LRP6: variants seen among roughly 807,000 people sequenced by gnomAD.
The protein encoded by LRP6 is LDL receptor related protein 6, also known as low-density lipoprotein receptor-related protein 6.
Under a neutral mutation model 184.1 loss-of-function variants are expected in LRP6, and 43 were observed. The observed-to-expected ratio is 0.23, with a 90% CI of 0.18 to 0.30. LRP6 has a LOEUF of 0.30. LRP6 is among the 10% of genes least tolerant of loss of function. The pLI, the probability that LRP6 is intolerant of heterozygous loss-of-function variation, is 1.00. For synonymous variants in LRP6, 719 were observed against 684.9 expected (o/e 1.05, Z -0.78); for missense variants, 1,571 against 2,005.3 (o/e 0.78, Z 4.14).
At chr12:12,128,558 C>G (rs182097867) in intron 19 of LRP6, among the ~76,000 whole-genome samples, 1 of 152,274 alleles carries the variant, frequency 6.6e-6, no homozygotes, top group African/African-American at 2.4e-5. Context: ...CAACATATCA[C>G]AAACTGAACT....
At chr12:12,211,052 A>C (rs923779672) in intron 2 of LRP6, 6 of 152,360 alleles carry the variant, frequency 3.9e-5, no homozygotes, top group African/African-American at 1.4e-4. Context: ...TTTAAAAACA[A>C]GTAGAAATTA....
intron 1 of LRP6, among the ~76,000 whole-genome samples, chr12:12,260,532 CCAAA>C: frequency 6.6e-6 from 1 of 152,116 alleles, no homozygotes; most frequent in Non-Finnish European, 1.5e-5. Flanking sequence ...CTATCAACTG[CCAAA>C]AACAGTGCCC....
chr12:12,154,894 G>A (rs2041891), intron 12 of LRP6, among the ~76,000 whole-genome samples: 148,648 of 152,352 alleles, frequency 0.98, 72,553 homozygotes, highest in East Asian at 1. Flanking sequence ...AGGCGAGTGC[G>A]CTGAGGATCT....
chr12:12,166,454 T>C (rs1252266059), intron 7 of LRP6, among the ~76,000 whole-genome samples: 1 of 152,242 alleles, frequency 6.6e-6, no homozygotes, highest in Admixed American at 6.5e-5. Flanking sequence ...TTCTGTATTA[T>C]ACAATACAAA....
intron 2 of LRP6, among the ~76,000 whole-genome samples, chr12:12,241,316 G>C (rs1285566905): frequency 3.9e-5 from 6 of 152,066 alleles, no homozygotes; most frequent in Non-Finnish European, 1.5e-5. Flanking sequence ...AATAAATCTG[G>C]AAATCATCTC....
rs749120602 is a variant in LRP6 at position 12,121,169 on chromosome 12, T to C, written c.4799A>G (p.His1600Arg). ...SPYTERSYSH[H>R]LYPPPPSPCT... ...GGGAGAGGGTGGCGGTGGGTAGAGG[T>C]GATGAGAATAGCTCCTCTCTGTGTA... Residue 1600 changes from histidine to arginine, a missense_variant, in exon 23 of 23, where the codon CAC becomes CGC. Physicochemically the swap from His to Arg is conservative, Grantham distance 29. Coordinates refer to ENST00000261349, the MANE Select transcript of LRP6 (RefSeq NM_002336.3). 21 of 1,613,266 alleles carry C rather than the reference T, an allele frequency of 1.3e-5. No homozygotes were observed. The highest frequency in any genetic ancestry group is 1.5e-5 in the Non-Finnish European group (18 of 1,179,762).
At chr12:12,129,694 A>G (rs1949720025) in intron 19 of LRP6, among the ~76,000 whole-genome samples, 1 of 152,174 alleles carries the variant, frequency 6.6e-6, no homozygotes, top group Middle Eastern at 3.4e-3. Context: ...CTGGGATTAC[A>G]GGTGCCCGCC....
chr12:12,200,332 T>C (rs773380234), intron 3 of LRP6, among the ~76,000 whole-genome samples: 11 of 152,318 alleles, frequency 7.2e-5, no homozygotes, highest in Non-Finnish European at 1.6e-4. Flanking sequence ...GTCCCAGTCA[T>C]CAACAAGCCA....
At chr12:12,215,445 G>A (rs1864316713) in intron 2 of LRP6, among the ~76,000 whole-genome samples, 1 of 151,850 alleles carries the variant, frequency 6.6e-6, no homozygotes. Context: ...TTCATTTTGA[G>A]ACGGAGTTTC....
chr12:12,262,808 T>C (rs1865651941), intron 1 of LRP6, among the ~76,000 whole-genome samples: 1 of 152,156 alleles, frequency 6.6e-6, no homozygotes, highest in African/African-American at 2.4e-5. Flanking sequence ...AGGTATTCCA[T>C]ACATATTTGC....
At chr12:12,201,385 C>T (rs1045013757) in intron 3 of LRP6, among the ~76,000 whole-genome samples, 3 of 152,196 alleles carry the variant, frequency 2.0e-5, no homozygotes. Flanking sequence ...TCACACTGCA[C>T]TTGCCTAATA....
chr12:12,169,230 A>C (rs552058441), intron 7 of LRP6, among the ~76,000 whole-genome samples: 24 of 135,076 alleles, frequency 1.8e-4, no homozygotes, highest in Non-Finnish European at 4.0e-4. Context: ...CTCTGCCTCA[A>C]AATGATAATA....
rs78768492 is a variant in LRP6 at position 12,142,942 on chromosome 12, A to G, written c.3398-4408T>C. 6.0e-3 allele frequency among the ~76,000 whole-genome samples: 917 copies of G among 152,260 alleles called. 7 individuals carry two copies. Among genetic ancestry groups the G allele is most frequent in the African/African-American group, 0.021 (875 of 41,558 alleles). ...AAGGATTCTATTATCATCCTATTCA[A>G]CACTGTACTGGGGGACCCCAGCCAG... On this transcript the variant is annotated intron_variant, in intron 15 of 22. Coordinates refer to ENST00000261349, the MANE Select transcript of LRP6 (RefSeq NM_002336.3).
chr12:12,238,623 G>A (rs1458561581), intron 2 of LRP6, among the ~76,000 whole-genome samples: 3 of 152,094 alleles, frequency 2.0e-5, no homozygotes, highest in Non-Finnish European at 4.4e-5. Context: ...AAAGGTCTGA[G>A]TGAAAATAAC....
intron 2 of LRP6, among the ~76,000 whole-genome samples, chr12:12,228,272 G>C (rs765933487): frequency 2.6e-5 from 4 of 152,094 alleles, no homozygotes; most frequent in Non-Finnish European, 5.9e-5. Context: ...CTGGAGGCAT[G>C]ATAATCGCTT....
chr12:12,139,109 C>A, intron 15 of LRP6: 1 of 798,398 alleles, frequency 1.3e-6, no homozygotes, highest in Non-Finnish European at 1.7e-6. Flanking sequence ...ACCCCCCACC[C>A]TGCTTTATTC....
chr12:12,131,712 A>T (rs1949761018), intron 18 of LRP6, 109 bp downstream of exon 18: 1 of 841,320 alleles, frequency 1.2e-6, no homozygotes, highest in Admixed American at 1.7e-5. Flanking sequence ...TGATACAGTC[A>T]TATGTACTTG....
intron 17 of LRP6, among the ~76,000 whole-genome samples, chr12:12,134,275 T>A (rs1949800482): frequency 6.6e-6 from 1 of 152,202 alleles, no homozygotes; most frequent in Non-Finnish European, 1.5e-5. Flanking sequence ...GATTATAACA[T>A]TTAATAGCTG....
intron 12 of LRP6, among the ~76,000 whole-genome samples, chr12:12,156,373 G>C (rs1303495598): frequency 6.6e-6 from 1 of 152,220 alleles, no homozygotes; most frequent in Non-Finnish European, 1.5e-5. Context: ...TGGCTGTAAT[G>C]AAGAAAGCAA....
Sources: allele counts gnomAD v4.1 joint callset (sites outside exome capture counted in the v4.1 genomes callset), GRCh38; gene constraint gnomAD v4.1.1; transcripts MANE v1.5; gene names NCBI Gene and HGNC (gene_info 2026-07-23, HGNC 2026-07-21).